CTNNA2: variants seen among roughly 807,000 people sequenced by gnomAD.
CTNNA2 encodes the protein catenin alpha 2.
CTNNA2 carries 42 observed loss-of-function variants against 101.0 expected under a neutral mutation model. That is an observed-to-expected ratio of 0.42 (90% confidence interval 0.32 to 0.54). The LOEUF is 0.54. CTNNA2 is among the 20% of genes least tolerant of loss of function. CTNNA2 has a pLI of 0.14. For missense variants in CTNNA2, 871 were observed against 1,223.1 expected (o/e 0.71, Z 4.29); for synonymous variants, 450 against 456.4 (o/e 0.99, Z 0.18).
chr2:79,996,725 T>C (rs1383628147), intron 7 of CTNNA2, among the ~76,000 whole-genome samples: 1 of 152,172 alleles, frequency 6.6e-6, no homozygotes, highest in Non-Finnish European at 1.5e-5. Flanking sequence ...TACAAATACC[T>C]GTGTGGCACT....
At chr2:80,561,463 G>T (rs983269233) in intron 12 of CTNNA2, among the ~76,000 whole-genome samples, 2 of 152,122 alleles carry the variant, frequency 1.3e-5, no homozygotes, top group Admixed American at 6.5e-5. Context: ...AGGTTTTGGG[G>T]CTCAGAAAAC....
intron 2 of CTNNA2, among the ~76,000 whole-genome samples, chr2:79,701,503 G>C (rs1477139325): frequency 6.6e-6 from 1 of 152,122 alleles, no homozygotes; most frequent in African/African-American, 2.4e-5. Flanking sequence ...CCAACTTACT[G>C]TCTAGACACA....
intron 8 of CTNNA2, among the ~76,000 whole-genome samples, chr2:80,400,181 C>A (rs189659319): frequency 6.6e-6 from 1 of 152,262 alleles, no homozygotes; most frequent in African/African-American, 2.4e-5. Context: ...TATATCTGTT[C>A]CATTTGACCC....
At chr2:80,586,456 A>G (rs1441506036) in intron 14 of CTNNA2, 1 of 152,266 alleles carries the variant, frequency 6.6e-6, no homozygotes, top group East Asian at 1.9e-4. Flanking sequence ...CTGGTTTAGG[A>G]CCTGTGAGGT....
At chr2:79,259,505 T>G (rs1674892683) in intron 2 of CTNNA2, among the ~76,000 whole-genome samples, 1 of 152,136 alleles carries the variant, frequency 6.6e-6, no homozygotes. Context: ...ATGTGTACCT[T>G]GAATAACCAC....
intron 7 of CTNNA2, among the ~76,000 whole-genome samples, chr2:80,339,134 T>A (rs80089919): frequency 3.3e-5 from 5 of 152,208 alleles, no homozygotes; most frequent in African/African-American, 9.7e-5. Flanking sequence ...GATTTTTTTT[T>A]AACATCTACA....
Position 79,453,913 on chromosome 2 carries a change from T to C in CTNNA2, c.-134-51141T>C, listed in dbSNP as rs539120329. Among the ~76,000 whole-genome samples, 76 of 152,242 alleles carry C rather than the reference T, an allele frequency of 5.0e-4. No individual in the cohort carries two copies. The South Asian group carries it at 0.013, about 25-fold the overall frequency. On this transcript the variant is annotated intron_variant, in intron 4 of 21. Coordinates refer to the CTNNA2 transcript ENST00000466387. ...ACATCACCATTCAAACCAAAATAGT[T>C]ACCCTAATAATGAGCTTCTGTACAA...
chr2:79,927,139 GA>G (rs746796150), intron 7 of CTNNA2, among the ~76,000 whole-genome samples: 21 of 152,230 alleles, frequency 1.4e-4, no homozygotes, highest in Admixed American at 2.6e-4. Context: ...ATCGAATAGA[GA>G]AAAAATATGT....
At chr2:80,480,296 T>C (rs1445007916) in intron 9 of CTNNA2, among the ~76,000 whole-genome samples, 1 of 152,048 alleles carries the variant, frequency 6.6e-6, no homozygotes, top group Non-Finnish European at 1.5e-5. Context: ...GTTTTATTTT[T>C]AAAATGTAAA....
intron 2 of CTNNA2, among the ~76,000 whole-genome samples, chr2:79,215,527 G>C (rs772906840): frequency 8.5e-5 from 13 of 152,164 alleles, no homozygotes; most frequent in Non-Finnish European, 1.9e-4. Context: ...TTTAATGTCA[G>C]GAGCAGATTG....
intron 2 of CTNNA2, among the ~76,000 whole-genome samples, chr2:79,675,325 T>C (rs1003462430): frequency 6.6e-6 from 1 of 152,200 alleles, no homozygotes; most frequent in Admixed American, 6.5e-5. Context: ...TTTATGGCGG[T>C]GGACAATGCC....
chr2:79,374,581 T>C (rs886582095), intron 4 of CTNNA2, among the ~76,000 whole-genome samples: 3 of 152,144 alleles, frequency 2.0e-5, no homozygotes, highest in Non-Finnish European at 4.4e-5. Context: ...TTCTGAGCAA[T>C]AGACTCTTCT....
intron 2 of CTNNA2, among the ~76,000 whole-genome samples, chr2:79,278,260 G>T (rs138457529): frequency 6.6e-6 from 1 of 151,964 alleles, no homozygotes; most frequent in African/African-American, 2.4e-5. Flanking sequence ...GCAACCCCAG[G>T]GACACTATTG....
At chr2:80,499,554 G>A (rs1162172345) in intron 9 of CTNNA2, among the ~76,000 whole-genome samples, 1 of 151,950 alleles carries the variant, frequency 6.6e-6, no homozygotes, top group Non-Finnish European at 1.5e-5. Flanking sequence ...CAGGTATGGT[G>A]GTTCATGCCT....
chr2:80,140,732 A>G lies in CTNNA2; in HGVS notation c.1056+230935A>G, dbSNP rs556722762. ...CTCCCTTTTAACAGGGATTGACCCAAGCAAAAGAAAATCCTCTTTAAATTT... is the reference window on the plus strand; with the variant it reads ...CTCCCTTTTAACAGGGATTGACCCAGGCAAAAGAAAATCCTCTTTAAATTT... On this transcript the variant is annotated intron_variant, in intron 7 of 18. Transcript: ENST00000402739. Among the ~76,000 whole-genome samples the G allele has an allele frequency of 2.0e-5, 3 of 152,298 alleles. No individual in the cohort carries two copies. In the East Asian group the frequency reaches 5.8e-4, roughly 29 times the overall value.
intron 1 of CTNNA2, among the ~76,000 whole-genome samples, chr2:79,551,280 AAG>A (rs1188108496): frequency 3.3e-5 from 5 of 152,134 alleles, no homozygotes. Flanking sequence ...TTAAAGGGGA[AAG>A]AGAAGGCAAC....
intron 7 of CTNNA2, among the ~76,000 whole-genome samples, chr2:80,165,209 C>G (rs1037536095): frequency 6.6e-6 from 1 of 151,618 alleles, no homozygotes; most frequent in African/African-American, 2.4e-5. Flanking sequence ...CCATAGGTCC[C>G]TAAGGCTTTG....
intron 17 of CTNNA2, among the ~76,000 whole-genome samples, chr2:80,614,438 T>A (rs979396734): frequency 6.6e-6 from 1 of 151,486 alleles, no homozygotes; most frequent in African/African-American, 2.4e-5. Flanking sequence ...AGGTTTCATG[T>A]AAATACTATG....
chr2:80,222,035 A>G (rs989935065), intron 7 of CTNNA2, among the ~76,000 whole-genome samples: 5 of 152,144 alleles, frequency 3.3e-5, no homozygotes, highest in African/African-American at 1.2e-4. Flanking sequence ...ACCACTGCCA[A>G]ACAGCCAACA....
Sources: allele counts gnomAD v4.1 joint callset (sites outside exome capture counted in the v4.1 genomes callset), GRCh38; gene constraint gnomAD v4.1.1; transcripts MANE v1.5; gene names NCBI Gene and HGNC (gene_info 2026-07-23, HGNC 2026-07-21).